Variants in SART1 observed in about 807,000 individuals in gnomAD.
SART1 encodes the protein spliceosome associated factor 1, recruiter of U4/U6.U5 tri-snRNP, also known as U4/U6.U5 tri-snRNP-associated protein 1.
SART1 carries 28 observed loss-of-function variants against 105.0 expected under a neutral mutation model. That is an observed-to-expected ratio of 0.27 (90% CI 0.20 to 0.37). SART1 has a LOEUF of 0.37. SART1 is among the 10% of genes least tolerant of loss of function. The probability of loss-of-function intolerance (pLI) is 1.00; values close to 1 mark genes in which losing one functional copy is unlikely to be tolerated. For missense variants in SART1, 894 were observed against 1,106.5 expected (o/e 0.81, Z 2.72); for synonymous variants, 472 against 462.9 (o/e 1.02, Z -0.25).
In SART1 at chr11:65,979,402, T is replaced by G; in HGVS notation, c.*372T>G. The G allele has an allele frequency of 1.0e-5, 3 of 297,228 alleles. No individual in the cohort carries two copies. The highest frequency in any genetic ancestry group is 1.1e-3 in the Middle Eastern group (1 of 930). 18.4% of individuals were successfully genotyped at this position (297,228 alleles called of 1,614,324 possible). ...TCTCCCGGTCAGGGCAGCCCAGGACTGCCCAGCCTGGTGGGCTGGGGATTG... is the reference window on the plus strand; with the variant it reads ...TCTCCCGGTCAGGGCAGCCCAGGACGGCCCAGCCTGGTGGGCTGGGGATTG... On this transcript the variant is annotated 3_prime_UTR_variant, in exon 20 of 20. Transcript: ENST00000312397.
Position 65,966,189 on chromosome 11 carries a change from G to A in SART1, c.952G>A (p.Glu318Lys), listed in dbSNP as rs201368685. Residue 318 changes from glutamate (E) to lysine (K), a missense_variant, in exon 8 of 20, where the codon GAG becomes AAG. Transcript: ENST00000312397. ...GAAGCCTGACTACCTGCCCTATGCC[G>A]AGGACGAGAGCGTGGACGACCTGGC... ...KKKPDYLPYA[E>K]DESVDDLAQQ... is the part of the protein sequence containing the mutation. 1.7e-4 allele frequency: 272 copies of A among 1,613,922 alleles called. 2 individuals are homozygous for A. The highest frequency in any genetic ancestry group is 1.6e-4 in the Middle Eastern group (1 of 6,084).
rs760737553 is a variant in SART1, at chr11:65,967,343, C to T, written c.1273C>T (p.Pro425Ser). ...AGTAGTGCGGGCAGATGACTTGCTG[C>T]CTCTCGGGGACCAGACTCAGGATGG... ...EVVVRADDLL[P>S]LGDQTQDGDF... Residue 425 changes from proline (P) to serine (S), a missense_variant, in exon 10 of 20, where the codon CCT becomes TCT. Transcript: ENST00000312397. The T allele has an allele frequency of 4.3e-6, 7 of 1,614,152 alleles. No homozygotes were observed. The highest frequency in any genetic ancestry group is 5.9e-6 in the Non-Finnish European group (7 of 1,180,014).
intron 2 of SART1, 184 bp downstream of exon 2, chr11:65,964,315 C>T (rs2134902597): frequency 2.4e-6 from 2 of 826,878 alleles, no homozygotes; most frequent in East Asian, 2.6e-5. Flanking sequence ...GTGGCATTCA[C>T]TGGTTAGACG....
Position 65,977,070 on chromosome 11 carries a change from G to A in SART1, c.1914G>A (p.Leu638=). 6 of 1,613,968 alleles carry A rather than the reference G, an allele frequency of 3.7e-6. No individual in the cohort carries two copies. Among genetic ancestry groups the A allele is most frequent in the Non-Finnish European group, 5.1e-6 (6 of 1,179,924 alleles). ...AGGAACCGATCGTGAATAGGGGGCT[G>A]GCAGCTGCCCTGCTCCTGTGTCAGA... ...LDEEPIVNRG[L]AAALLLCQNK... is the part of the protein sequence containing the mutation. The change falls in exon 15 of 20, where the codon CTG becomes CTA. Residue 638 remains leucine, a synonymous_variant. Transcript: ENST00000312397.
In SART1 at chr11:65,979,471, C is replaced by A; in HGVS notation, c.*441C>A. The A allele has an allele frequency of 4.4e-6, 1 of 225,586 alleles. No homozygotes were observed. Among genetic ancestry groups the A allele is most frequent in the Non-Finnish European group, 8.8e-6 (1 of 113,234 alleles). 14.0% of individuals were successfully genotyped at this position (225,586 alleles called of 1,614,324 possible). ...GGTGCCACCTTCTGTCCTGGCTGTC[C>A]TGTGCCACCCTGGTCTGTGTCTAGA... On this transcript the variant is annotated 3_prime_UTR_variant, in exon 20 of 20. Coordinates refer to ENST00000312397, the MANE Select transcript of SART1 (RefSeq NM_005146.5).
Position 65,967,326 on chromosome 11 carries a change from G to A in SART1, c.1256G>A (p.Arg419Gln), listed in dbSNP as rs762025561. 9.3e-6 allele frequency: 15 copies of A among 1,614,032 alleles called. No homozygotes were observed. The highest frequency in any genetic ancestry group is 2.2e-5 in the East Asian group (1 of 44,880). The change falls in exon 10 of 20, where the codon CGG (arginine) becomes CAG (glutamine). Residue 419 changes from arginine to glutamine, a missense_variant. This residue lies in a region of SART1 where 712 missense variants were observed against 778.2 expected (regional missense o/e 0.91). Coordinates refer to ENST00000312397, the MANE Select transcript of SART1 (RefSeq NM_005146.5). ...AAGAAGGAGAAGGAGGTAGTAGTGC[G>A]GGCAGATGACTTGCTGCCTCTCGGG... is the stretch of plus-strand genomic sequence containing the variant. ...IRKKEKEVVV[R>Q]ADDLLPLGDQ...
Position 65,965,923 on chromosome 11 carries a change from G to A in SART1, c.775G>A (p.Val259Met), listed in dbSNP as rs1855243547. The change falls in exon 7 of 20, where the codon GTG (valine) becomes ATG (methionine). Residue 259 changes from valine (V) to methionine (M), a missense_variant. Coordinates refer to ENST00000312397, the MANE Select transcript of SART1 (RefSeq NM_005146.5). ...TGCCCGGGACCTGCAGGGCCTCACCGTGGAGCATGCCATTGATTCCTTCCG... is the reference window on the plus strand; with the variant it reads ...TGCCCGGGACCTGCAGGGCCTCACCATGGAGCATGCCATTGATTCCTTCCG... ...YSARDLQGLTVEHAIDSFREG... is the reference protein window; with the variant it reads ...YSARDLQGLTMEHAIDSFREG... The A allele has an allele frequency of 6.2e-7, 1 of 1,614,076 alleles. No homozygotes were observed. The highest frequency in any genetic ancestry group is 8.5e-7 in the Non-Finnish European group (1 of 1,180,016).
At position 65,962,040 on chromosome 11, in the gene SART1, A is replaced by C. The variant is rs1855153284; in HGVS notation, c.260A>C (p.Glu87Ala). Residue 87 changes from glutamate (E) to alanine (A), a missense_variant, in exon 1 of 20, where the codon GAG (glutamate) becomes GCG (alanine). This residue lies in a region of SART1 where 712 missense variants were observed against 778.2 expected (regional missense o/e 0.91). Coordinates refer to ENST00000312397, the MANE Select transcript of SART1 (RefSeq NM_005146.5). The stretch of plus-strand genomic sequence containing the variant: ...CACGGGCGGGAGCGCAGCCAGGCAG[A>C]GCCCTCCGAGCGGCGCGTGAAGCGG... ...STHGRERSQA[E>A]PSERRVKREK... 1 of 1,449,588 alleles carries C rather than the reference A, an allele frequency of 6.9e-7. No homozygotes were observed. Among genetic ancestry groups the C allele is most frequent in the Non-Finnish European group, 9.1e-7 (1 of 1,100,064 alleles). The allele number at this position is 1,449,588 out of a possible 1,614,324, so 89.8% of individuals were successfully genotyped here.
In SART1 at chr11:65,962,013, C is replaced by T. The variant is rs1016643976; in HGVS notation, c.233C>T (p.Thr78Met). The change falls in exon 1 of 20, where the codon ACG (threonine) becomes ATG (methionine). Residue 78 changes from threonine (T) to methionine (M), a missense_variant. Coordinates refer to ENST00000312397, the MANE Select transcript of SART1 (RefSeq NM_005146.5). Reference protein sequence around the residue: ...RGAEAEARSSTHGRERSQAEP... With the variant: ...RGAEAEARSSMHGRERSQAEP... ...GCCGAAGCTGAGGCCCGGAGCAGCACGCACGGGCGGGAGCGCAGCCAGGCA... is the reference window on the plus strand; with the variant it reads ...GCCGAAGCTGAGGCCCGGAGCAGCATGCACGGGCGGGAGCGCAGCCAGGCA... 6 of 1,514,188 alleles carry T rather than the reference C, an allele frequency of 4.0e-6. No homozygotes were observed. The African/African-American group carries it at 4.4e-5, about 11-fold the overall frequency. The allele number at this position is 1,514,188 out of a possible 1,614,324, so 93.8% of individuals were successfully genotyped here.
rs1272137922 is a variant in SART1 at position 65,967,349 on chromosome 11, G to A, written c.1279G>A (p.Gly427Arg). ...GCGGGCAGATGACTTGCTGCCTCTC[G>A]GGGACCAGACTCAGGATGGGGACTT... The part of the protein sequence containing the change: ...VVRADDLLPL[G>R]DQTQDGDFGS... Residue 427 changes from glycine to arginine, a missense_variant, in exon 10 of 20, where the codon GGG (glycine) becomes AGG (arginine). Gly to Arg is a moderately radical substitution (Grantham distance 125). Transcript: ENST00000312397. The A allele has an allele frequency of 5.0e-6, 8 of 1,613,990 alleles. No individual in the cohort carries two copies. Among genetic ancestry groups the A allele is most frequent in the Admixed American group, 1.7e-5 (1 of 59,996 alleles).
chr11:65,974,371 CAA>C (rs55994535), intron 12 of SART1, among the ~76,000 whole-genome samples: 3,907 of 65,124 alleles, frequency 0.06, 88 homozygotes, highest in East Asian at 0.21. Context: ...GACTCTGTCT[CAA>C]AAAAAAAAAA....
Position 65,978,239 on chromosome 11 carries a change from C to T in SART1, c.2172+340C>T, listed in dbSNP as rs1590646528. On this transcript the variant is annotated intron_variant, in intron 17 of 19. Transcript: ENST00000312397. This position sits in a 1 kb window ranked among gnomAD's most constrained non-coding sequence, Gnocchi z 6.8. The stretch of plus-strand genomic sequence containing the variant: ...AGCGTCCAGGCCCTTCCAGCACTCT[C>T]GTAGGCCGCCCGACCGTCCTGCCCT... The T allele has an allele frequency of 8.1e-6, 4 of 496,316 alleles. No homozygotes were observed. The highest frequency in any genetic ancestry group is 4.4e-5 in the South Asian group (2 of 45,858). 30.7% of individuals were successfully genotyped at this position (496,316 alleles called of 1,614,324 possible).
chr11:65,972,447 G>A (rs1855397261), intron 12 of SART1, among the ~76,000 whole-genome samples: 1 of 152,122 alleles, frequency 6.6e-6, no homozygotes, highest in South Asian at 2.1e-4. Context: ...TCACATTTCG[G>A]AATCAAATTA....
In SART1 at chr11:65,979,101, C is replaced by A; in HGVS notation, c.*71C>A. 6.3e-7 allele frequency: 1 copy of A among 1,595,400 alleles called. No individual in the cohort carries two copies. The highest frequency in any genetic ancestry group is 2.3e-5 in the East Asian group (1 of 44,382). ...AAGCTCCCTCCTTATTTTTTCCTCCCTGGTCGTGGTACAGATTCCAGGGTT... is the reference window on the plus strand; with the variant it reads ...AAGCTCCCTCCTTATTTTTTCCTCCATGGTCGTGGTACAGATTCCAGGGTT... On this transcript the variant is annotated 3_prime_UTR_variant, in exon 20 of 20. Coordinates refer to ENST00000312397, the MANE Select transcript of SART1 (RefSeq NM_005146.5).
chr11:65,966,735 C>G (rs1049137392), intron 9 of SART1, among the ~76,000 whole-genome samples, 179 bp downstream of exon 9: 1 of 152,216 alleles, frequency 6.6e-6, no homozygotes, highest in Non-Finnish European at 1.5e-5. Flanking sequence ...GTCAGGGCTG[C>G]TGAGCCAGAT....
chr11:65,974,230 C>T (rs1239249212), intron 12 of SART1, among the ~76,000 whole-genome samples: 2 of 146,540 alleles, frequency 1.4e-5, no homozygotes, highest in Admixed American at 6.9e-5. Context: ...AAAAATTAGC[C>T]GAGCATGGTG....
intron 1 of SART1, 41 bp downstream of exon 1, chr11:65,962,134 G>GGGGGGGGGGGGGGGGGGGGGCCC: frequency 2.6e-6 from 1 of 378,092 alleles, no homozygotes. Flanking sequence ...GTCGGGCGGG[G>GGGGGGGGGGGGGGGGGGGGGCCC]GTCCCGGAAC....
chr11:65,975,348 C>T (rs1465571949), intron 12 of SART1, among the ~76,000 whole-genome samples: 1 of 151,604 alleles, frequency 6.6e-6, no homozygotes, highest in East Asian at 1.9e-4. Flanking sequence ...AGTGATCCTC[C>T]AGCCTCGGCC....
Position 65,978,505 on chromosome 11 carries a change from A to G in SART1, c.2173-95A>G, listed in dbSNP as rs1590646781. ...CACCCCAGGCCTGGCATTGGGGTCA[A>G]TCAACACCCGCCCTGTTATTATACA... On this transcript the variant is annotated intron_variant, in intron 17 of 19. Transcript: ENST00000312397. The surrounding 1 kb of genome is among the most constrained non-coding windows in gnomAD (Gnocchi z 6.8). The G allele has an allele frequency of 1.1e-5, 14 of 1,267,326 alleles. No individual in the cohort carries two copies. Among genetic ancestry groups the G allele is most frequent in the Admixed American group, 4.0e-5 (2 of 50,200 alleles). 78.5% of individuals were successfully genotyped at this position (1,267,326 alleles called of 1,614,324 possible).
Sources: gnomAD v4.1 joint callset for allele counts (sites outside exome capture counted in the v4.1 genomes callset) on GRCh38, gnomAD v4.1.1 for gene constraint, gnomAD v4.1.1 regional missense constraint, Gnocchi (gnomAD v3.1) non-coding constraint, MANE v1.5 for transcripts, NCBI Gene and HGNC (gene_info 2026-07-23, HGNC 2026-07-21) for gene names.